CTNNA3: variants seen among roughly 807,000 people sequenced by gnomAD.
The protein encoded by CTNNA3 is catenin alpha 3.
A neutral mutation model predicts 95.7 loss-of-function variants in CTNNA3; 76 were observed. The observed-to-expected ratio is 0.79, with a 90% confidence interval of 0.66 to 0.96. The LOEUF is 0.96. Among genes scored for constraint, CTNNA3 ranks in the 40% least tolerant of loss-of-function variants. CTNNA3 has a pLI of 0.00. For missense variants in CTNNA3, 1,191 were observed against 1,089.8 expected, an observed-to-expected ratio of 1.09 and a Z score of -1.31; for synonymous variants, 431 against 374.4, an observed-to-expected ratio of 1.15 and a Z score of -1.74.
intron 11 of CTNNA3, among the ~76,000 whole-genome samples, chr10:66,464,966 C>T (rs1380291894): frequency 1.3e-5 from 2 of 151,846 alleles, no homozygotes; most frequent in Admixed American, 1.3e-4. Flanking sequence ...AGTGGTAATG[C>T]TGATTTTCTT....
chr10:67,438,837 GCTCC>G (rs1846394934), intron 5 of CTNNA3, among the ~76,000 whole-genome samples: 1 of 152,306 alleles, frequency 6.6e-6, no homozygotes, highest in Admixed American at 6.5e-5. Context: ...GGCTTAGCCA[GCTCC>G]TGCCCAAAAA....
chr10:66,232,158 T>C (rs2089619980), intron 13 of CTNNA3, among the ~76,000 whole-genome samples: 1 of 152,154 alleles, frequency 6.6e-6, no homozygotes, highest in Admixed American at 6.5e-5. Flanking sequence ...TTCAGTCTAG[T>C]TCGACTTTGA....
intron 6 of CTNNA3, among the ~76,000 whole-genome samples, chr10:67,197,646 C>G (rs1183563442): frequency 6.6e-6 from 1 of 152,026 alleles, no homozygotes; most frequent in Non-Finnish European, 1.5e-5. Context: ...TAGAGCACTG[C>G]TGTTTAAGGA....
rs1288196320 is a variant in CTNNA3 at position 66,331,179 on chromosome 10, C to T, written c.1732+47973G>A. 2.0e-5 allele frequency among the ~76,000 whole-genome samples: 3 copies of T among 151,738 alleles called. No individual in the cohort carries two copies. In the East Asian group the frequency reaches 5.8e-4, roughly 29 times the overall value. Reference sequence around the variant, plus strand: ...TGAATGGTATTGCCTAGGTTTTCTTCTAGGGTTTTTATGGTTTTAGGTCTA... The same window carrying T: ...TGAATGGTATTGCCTAGGTTTTCTTTTAGGGTTTTTATGGTTTTAGGTCTA... On this transcript the variant is annotated intron_variant, in intron 12 of 17. Transcript: ENST00000433211.
At chr10:67,726,135 ATAT>A (rs911102550) in intron 1 of CTNNA3, among the ~76,000 whole-genome samples, 11 of 113,026 alleles carry the variant, frequency 9.7e-5, no homozygotes, top group African/African-American at 2.9e-4. Context: ...TAGATAATAT[ATAT>A]TATATTATAT....
chr10:65,967,925 A>T (rs1471413433), intron 16 of CTNNA3, among the ~76,000 whole-genome samples: 1 of 152,220 alleles, frequency 6.6e-6, no homozygotes, highest in Non-Finnish European at 1.5e-5. Flanking sequence ...AAATAACCTA[A>T]ATGTCCCAAA....
At chr10:67,711,687 CTCGTCA>C (rs1362230696) in intron 1 of CTNNA3, among the ~76,000 whole-genome samples, 3 of 151,008 alleles carry the variant, frequency 2.0e-5, no homozygotes, top group Non-Finnish European at 4.4e-5. Context: ...CACCCACTAA[CTCGTCA>C]TCTAGCATTA....
chr10:66,024,166 C>T (rs986669657), intron 15 of CTNNA3, among the ~76,000 whole-genome samples: 2 of 144,392 alleles, frequency 1.4e-5, no homozygotes, highest in Non-Finnish European at 3.0e-5. Flanking sequence ...CTGGGCTCAC[C>T]GCAAGCTCCG....
intron 17 of CTNNA3, among the ~76,000 whole-genome samples, chr10:65,930,358 G>T (rs2077233997): frequency 6.6e-6 from 1 of 152,134 alleles, no homozygotes; most frequent in Non-Finnish European, 1.5e-5. Flanking sequence ...TACCATCCTG[G>T]TGCTGAAGGA....
intron 5 of CTNNA3, among the ~76,000 whole-genome samples, chr10:67,392,191 A>C (rs1400161404): frequency 6.6e-6 from 1 of 152,210 alleles, no homozygotes; most frequent in Admixed American, 6.5e-5. Flanking sequence ...TCTACAGTGA[A>C]CTCAAATAAA....
chr10:66,154,022 C>A (rs72795338), intron 13 of CTNNA3, among the ~76,000 whole-genome samples: 7,249 of 151,932 alleles, frequency 0.048, 215 homozygotes, highest in African/African-American at 0.066. Flanking sequence ...GGGCTGCAAT[C>A]TCTATCATCA....
At chr10:67,026,001 C>G (rs573187877) in intron 7 of CTNNA3, among the ~76,000 whole-genome samples, 1 of 149,840 alleles carries the variant, frequency 6.7e-6, no homozygotes, top group Non-Finnish European at 1.5e-5. Context: ...AGTAAACTAT[C>G]GCAAGGACAA....
intron 7 of CTNNA3, among the ~76,000 whole-genome samples, chr10:67,052,974 C>T (rs1855204570): frequency 6.6e-6 from 1 of 152,092 alleles, no homozygotes; most frequent in Non-Finnish European, 1.5e-5. Context: ...GTTCATTGTA[C>T]TTACACTGAC....
intron 12 of CTNNA3, among the ~76,000 whole-genome samples, chr10:66,353,914 A>G (rs115579696): frequency 6.6e-6 from 1 of 151,752 alleles, no homozygotes; most frequent in Non-Finnish European, 1.5e-5. Context: ...AATTAAAAAC[A>G]CACAAAATCT....
At chr10:67,697,435 T>C (rs530483062), upstream of CTNNA3, among the ~76,000 whole-genome samples, 162 of 152,332 alleles carry the variant, frequency 1.1e-3, no homozygotes, top group Middle Eastern at 3.4e-3. Context: ...ACCAGGACTG[T>C]TGAATTGAGC....
At chr10:66,715,113 C>A (rs925791864) in intron 9 of CTNNA3, among the ~76,000 whole-genome samples, 20 of 152,048 alleles carry the variant, frequency 1.3e-4, no homozygotes, top group Non-Finnish European at 2.5e-4. Context: ...CTCAAATGTC[C>A]CCTTTTTCAG....
chr10:66,257,479 C>A (rs558925605), intron 13 of CTNNA3, among the ~76,000 whole-genome samples: 3 of 151,800 alleles, frequency 2.0e-5, no homozygotes, highest in Non-Finnish European at 4.4e-5. Context: ...TGCTAATTTA[C>A]AACGAAGCCC....
At chr10:67,177,460 A>G (rs1862299916) in intron 7 of CTNNA3, among the ~76,000 whole-genome samples, 1 of 152,200 alleles carries the variant, frequency 6.6e-6, no homozygotes, top group African/African-American at 2.4e-5. Flanking sequence ...GGTTTTGATG[A>G]ATTAATCACT....
chr10:65,961,792 C>T (rs189957725), intron 17 of CTNNA3, among the ~76,000 whole-genome samples: 15 of 151,880 alleles, frequency 9.9e-5, no homozygotes, highest in African/African-American at 2.4e-4. Context: ...AAGGGACCTT[C>T]TGGAAGGTCC....
Sources: gnomAD v4.1 joint callset for allele counts (sites outside exome capture counted in the v4.1 genomes callset) on GRCh38, gnomAD v4.1.1 for gene constraint, MANE v1.5 for transcripts, NCBI Gene and HGNC (gene_info 2026-07-23, HGNC 2026-07-21) for gene names.